MAPK11: variants seen among roughly 807,000 people sequenced by gnomAD.
The protein encoded by MAPK11 is mitogen-activated protein kinase 11.
A neutral mutation model predicts 52.2 loss-of-function variants in MAPK11; 44 were observed. That is an observed-to-expected ratio of 0.84 (90% confidence interval 0.66 to 1.08). The LOEUF is 1.08. Among genes scored for constraint, MAPK11 ranks in the 50% least tolerant of loss-of-function variants. The pLI, the probability that MAPK11 is intolerant of heterozygous loss-of-function variation, is 0.00. For synonymous variants in MAPK11, 233 were observed against 206.3 expected, an observed-to-expected ratio of 1.13 and a Z score of -1.11; for missense variants, 436 against 494.7, an observed-to-expected ratio of 0.88 and a Z score of 1.13.
rs749464545 is a variant in MAPK11 at position 50,265,517 on chromosome 22, G to A, written c.842-23C>T. On this transcript the variant is annotated intron_variant, in intron 10 of 11. Transcript: ENST00000330651. Reference sequence around the variant, plus strand: ...TGGCTGCAGGGAAGCCAGTGGTGGGGAGGGGGGTCAGCTGTACATCCAGGG... The same window carrying A: ...TGGCTGCAGGGAAGCCAGTGGTGGGAAGGGGGGTCAGCTGTACATCCAGGG... The A allele has an allele frequency of 2.5e-6, 4 of 1,612,902 alleles. No individual in the cohort carries two copies. In the African/African-American group the frequency reaches 4.0e-5, roughly 16 times the overall value.
In MAPK11 at chr22:50,267,896, C is replaced by A. The variant is rs1601654401; in HGVS notation, c.170G>T (p.Arg57Leu). ...RQKVAVKKLS[R>L]PFQSLIHARR... ...CGCGTGGATCAGCGACTGGAAGGGG[C>A]GCGACAGCTTCTTCACCGCCACCTT... is the stretch of plus-strand genomic sequence containing the variant. Residue 57 changes from arginine (R) to leucine (L), a missense_variant, in exon 2 of 12, where the codon CGC becomes CTC. By Grantham distance (102) the Arg-to-Leu change is moderately radical. Transcript: ENST00000330651. The A allele has an allele frequency of 6.3e-7, 1 of 1,587,288 alleles. No individual in the cohort carries two copies. The highest frequency in any genetic ancestry group is 8.6e-7 in the Non-Finnish European group (1 of 1,169,466).
intron 8 of MAPK11, 28 bp from the exon 9 acceptor site, chr22:50,266,333 C>T: frequency 1.3e-6 from 2 of 1,587,274 alleles, no homozygotes; most frequent in Non-Finnish European, 1.7e-6. Flanking sequence ...CACCCACGGG[C>T]CAGCCACAGA....
chr22:50,267,980 G>T (rs111338713), intron 1 of MAPK11, 31 bp from the exon 2 acceptor site: 114 of 1,509,860 alleles, frequency 7.6e-5, no homozygotes, highest in Admixed American at 2.8e-4. Context: ...GCGGCGCCGG[G>T]AGGGGTCCGA....
At chr22:50,269,667 G>T (rs1243456699) in intron 1 of MAPK11, among the ~76,000 whole-genome samples, 1 of 152,146 alleles carries the variant, frequency 6.6e-6, no homozygotes, top group East Asian at 1.9e-4. Flanking sequence ...CCTAAGTGGG[G>T]TTTGTGGTCT....
rs201166855 is a variant in MAPK11, at chr22:50,265,358, G to A, written c.978C>T (p.Ser326=). Residue 326 remains serine (S), a synonymous_variant, in exon 11 of 12, where the codon AGC becomes AGT. Coordinates refer to ENST00000330651, the MANE Select transcript of MAPK11 (RefSeq NM_002751.7). ...DEPEAEPYDE[S]VEAKERTLEE... ...CCAGCGTGCGCTCCTTGGCCTCAAC[G>A]CTCTCATCATATGGCTCGGCCTCTG... is the stretch of plus-strand genomic sequence containing the variant. The A allele has an allele frequency of 5.6e-6, 9 of 1,613,238 alleles. No individual in the cohort carries two copies. In the African/African-American group the frequency reaches 9.3e-5, roughly 17 times the overall value.
At chr22:50,267,981 AG>A (rs1336379003) in intron 1 of MAPK11, 32 bp from the exon 2 acceptor site, 1 of 1,491,596 alleles carries the variant, frequency 6.7e-7, no homozygotes, top group Admixed American at 2.2e-5. Context: ...CGGCGCCGGG[AG>A]GGGTCCGAGG....
chr22:50,267,783 G>T lies in MAPK11; in HGVS notation c.246+37C>A, dbSNP rs1001158941. On this transcript the variant is annotated intron_variant, in intron 2 of 11. Transcript: ENST00000330651. Reference sequence around the variant, plus strand: ...TTGGCTGCGCCGCGGCCCCGCCCCCGCACGCGCCCTCCCCCCACGGCCCTC... The same window carrying T: ...TTGGCTGCGCCGCGGCCCCGCCCCCTCACGCGCCCTCCCCCCACGGCCCTC... 5.2e-5 allele frequency: 38 copies of T among 735,632 alleles called. No individual in the cohort carries two copies. In the Admixed American group the frequency reaches 7.3e-4, roughly 14 times the overall value. The allele number at this position is 735,632 out of a possible 1,614,324, so 45.6% of individuals were successfully genotyped here.
At chr22:50,269,805 A>AC (rs2065293850) in intron 1 of MAPK11, among the ~76,000 whole-genome samples, 1 of 151,926 alleles carries the variant, frequency 6.6e-6, no homozygotes, top group South Asian at 2.1e-4. Flanking sequence ...GGGCTGCCTG[A>AC]CCCGACTCAG....
intron 5 of MAPK11, 37 bp downstream of exon 5, chr22:50,267,220 C>G: frequency 6.2e-7 from 1 of 1,609,214 alleles, no homozygotes; most frequent in Non-Finnish European, 8.5e-7. Context: ...GGACGGAGCC[C>G]TGCTGGACCC....
chr22:50,266,252 C>T lies in MAPK11; in HGVS notation c.736G>A (p.Val246Ile), dbSNP rs1286548063. 4 of 1,603,108 alleles carry T rather than the reference C, an allele frequency of 2.5e-6. No homozygotes were observed. The highest frequency in any genetic ancestry group is 1.7e-4 in the Middle Eastern group (1 of 6,060). ...MEVVGTPSPE[V>I]LAKISSEHAR... ...TGTTCTGAGGAGATTTTTGCCAGAA[C>T]CTCAGGGCTGGGTGTGCCCACCACT... Residue 246 changes from valine to isoleucine, a missense_variant, in exon 9 of 12, where the codon GTT becomes ATT. Val to Ile is a conservative substitution (Grantham distance 29). Transcript: ENST00000330651.
At position 50,267,175 on chromosome 22, in the gene MAPK11, C is replaced by T. The variant is rs760461215; in HGVS notation, c.448-1G>A. The T allele has an allele frequency of 1.9e-6, 3 of 1,611,688 alleles. No homozygotes were observed. Among genetic ancestry groups the T allele is most frequent in the Non-Finnish European group, 2.5e-6 (3 of 1,179,506 alleles). ...CAGCCACGTTGCTGGGCTTCAGGTC[C>T]TGCAGGTCACGCGGAGCGTGAGCAC... On this transcript the variant is annotated splice_acceptor_variant, in intron 5 of 11. Coordinates refer to ENST00000330651, the MANE Select transcript of MAPK11 (RefSeq NM_002751.7). LOFTEE classifies it high-confidence loss of function.
chr22:50,265,124 T>C, intron 11 of MAPK11, 97 bp from the exon 12 acceptor site: 1 of 1,233,208 alleles, frequency 8.1e-7, no homozygotes, highest in South Asian at 1.3e-5. Flanking sequence ...CCCACCACCC[T>C]GTGACAGCAG....
rs201406886 is a variant in MAPK11 at position 50,266,551 on chromosome 22, G to C, written c.671C>G (p.Pro224Arg). ...TGGGCCAAGGATACAGTCGCTTCCC[G>C]GGAAGAGGGCCTTGCCCTGGAGCAG... Reference protein sequence around the residue: ...AELLQGKALFPGSDYIDQLKR... With the variant: ...AELLQGKALFRGSDYIDQLKR... Residue 224 changes from proline to arginine, a missense_variant, in exon 8 of 12, where the codon CCG becomes CGG. Transcript: ENST00000330651. 18 of 1,517,850 alleles carry C rather than the reference G, an allele frequency of 1.2e-5. No individual in the cohort carries two copies. The South Asian group carries it at 2.3e-4, about 19-fold the overall frequency. 94.0% of individuals were successfully genotyped at this position (1,517,850 alleles called of 1,614,324 possible). A position where few individuals can be genotyped will look rare whatever the true frequency, so the allele number is the denominator to read the frequency against.
chr22:50,267,078 C>G lies in MAPK11; in HGVS notation c.496-30G>C. ...GGCGACCACGTGGTGTTCTCAAGCT[C>G]CGCACGGGCTCCGCCGCCGCCCTGC... On this transcript the variant is annotated intron_variant, in intron 6 of 11. Transcript: ENST00000330651. The G allele has an allele frequency of 2.5e-6, 4 of 1,611,608 alleles. No homozygotes were observed. In the South Asian group the frequency reaches 4.4e-5, roughly 18 times the overall value.
At chr22:50,266,080 C>A (rs1166435350) in intron 9 of MAPK11, 146 bp downstream of exon 9, 3 of 654,014 alleles carry the variant, frequency 4.6e-6, no homozygotes, top group Non-Finnish European at 7.8e-6. Context: ...GTTTCCCCTG[C>A]AGGGATTGGG....
rs2065279318 is a variant in MAPK11 at position 50,267,913 on chromosome 22, C to T, written c.153G>A (p.Ala51=). ...AYDARLRQKV[A]VKKLSRPFQS... ...GGAAGGGGCGCGACAGCTTCTTCACCGCCACCTTCTGGCGCAGCCGGGCGT... is the reference window on the plus strand; with the variant it reads ...GGAAGGGGCGCGACAGCTTCTTCACTGCCACCTTCTGGCGCAGCCGGGCGT... The change falls in exon 2 of 12, where the codon GCG becomes GCA. Residue 51 remains alanine (A), a synonymous_variant. Transcript: ENST00000330651. The T allele has an allele frequency of 1.3e-6, 2 of 1,585,274 alleles. No homozygotes were observed. The highest frequency in any genetic ancestry group is 4.8e-5 in the East Asian group (2 of 42,038).
Position 50,270,273 on chromosome 22 carries a change from C to A in MAPK11, c.20G>T (p.Gly7Val). 2 of 1,423,154 alleles carry A rather than the reference C, an allele frequency of 1.4e-6. No individual in the cohort carries two copies. Among genetic ancestry groups the A allele is most frequent in the Non-Finnish European group, 1.8e-6 (2 of 1,085,580 alleles). 88.2% of individuals were successfully genotyped at this position (1,423,154 alleles called of 1,614,324 possible). Residue 7 changes from glycine (G) to valine (V), a missense_variant, in exon 1 of 12, where the codon GGC (glycine) becomes GTC (valine). Physicochemically the swap from Gly to Val is moderately radical, Grantham distance 109 (BLOSUM62 -3). Transcript: ENST00000330651. The surrounding 1 kb of genome is among the most constrained non-coding windows in gnomAD (Gnocchi z 6.3). ...CTTGTTCAGCTCCTGCCGGTAGAAG[C>A]CGGCGCGAGGGCCCGACATGTCCGG... The part of the protein sequence containing the change: MSGPRA[G>V]FYRQELNKTV...
Position 50,267,839 on chromosome 22 carries a change from T to C in MAPK11, c.227A>G (p.Lys76Arg). 8 of 1,570,850 alleles carry C rather than the reference T, an allele frequency of 5.1e-6. No homozygotes were observed. Among genetic ancestry groups the C allele is most frequent in the Non-Finnish European group, 6.9e-6 (8 of 1,161,864 alleles). ...GCTCACGTTCTCGTGCTTCAGGTGC[T>C]TGAGCAGCCGCAGCTCCCGGTACGT... ...RRTYRELRLL[K>R]HLKHENVIGL... The change falls in exon 2 of 12, where the codon AAG becomes AGG. Residue 76 changes from lysine to arginine, a missense_variant. Lys to Arg is a conservative substitution (Grantham distance 26). Coordinates refer to ENST00000330651, the MANE Select transcript of MAPK11 (RefSeq NM_002751.7).
intron 1 of MAPK11, among the ~76,000 whole-genome samples, chr22:50,268,180 G>A (rs2065281924): frequency 6.6e-6 from 1 of 152,234 alleles, no homozygotes; most frequent in Non-Finnish European, 1.5e-5. Flanking sequence ...CACCCCACAA[G>A]GTCCTGGACC....
Sources: gnomAD v4.1 joint callset for allele counts (sites outside exome capture counted in the v4.1 genomes callset) on GRCh38, gnomAD v4.1.1 for gene constraint, Gnocchi (gnomAD v3.1) non-coding constraint, MANE v1.5 for transcripts, NCBI Gene and HGNC (gene_info 2026-07-23, HGNC 2026-07-21) for gene names.